The following PTPN20 variants were observed in gnomAD, a reference collection of about 807,000 sequenced individuals.
PTPN20 encodes the protein tyrosine-protein phosphatase non-receptor type 20.
Under a neutral mutation model 35.0 loss-of-function variants are expected in PTPN20, and 9 were observed. The observed-to-expected ratio is 0.26, with a 90% CI of 0.15 to 0.45. The LOEUF (loss-of-function observed/expected upper bound fraction) is 0.45. Among genes scored for constraint, PTPN20 ranks in the 20% least tolerant of loss-of-function variants. The pLI is 1.00. For missense variants in PTPN20, 111 were observed against 312.5 expected (o/e 0.36, Z 4.86); for synonymous variants, 32 against 100.2 (o/e 0.32, Z 4.06).
intron 9 of PTPN20, among the ~76,000 whole-genome samples, chr10:46,995,019 G>A (rs928335335): frequency 6.6e-6 from 1 of 152,102 alleles, no homozygotes; most frequent in Non-Finnish European, 1.5e-5. Context: ...TTGAATTGGT[G>A]TTCTGTTACC....
chr10:46,992,402 C>A (rs972526826), intron 9 of PTPN20, among the ~76,000 whole-genome samples: 4 of 152,218 alleles, frequency 2.6e-5, no homozygotes, highest in South Asian at 4.1e-4. Context: ...GGATCATAGG[C>A]ATGAGCCACC....
At chr10:46,928,693 T>G (rs2038555042) in intron 1 of PTPN20, among the ~76,000 whole-genome samples, 2 of 147,472 alleles carry the variant, frequency 1.4e-5, no homozygotes, top group Non-Finnish European at 3.0e-5. Flanking sequence ...CCATTCCTTA[T>G]AGAAAACTAA....
chr10:46,971,021 T>C (rs2052025237), intron 7 of PTPN20, among the ~76,000 whole-genome samples: 1 of 67,008 alleles, frequency 1.5e-5, no homozygotes. Flanking sequence ...TAAATATTAG[T>C]CTTGCTATTT....
At position 46,940,707 on chromosome 10, in the gene PTPN20, C is replaced by G. The variant is rs2043200369; in HGVS notation, c.119C>G (p.Pro40Arg). 1 of 1,610,258 alleles carries G rather than the reference C, an allele frequency of 6.2e-7. No individual in the cohort carries two copies. The highest frequency in any genetic ancestry group is 1.3e-5 in the African/African-American group (1 of 74,144). Residue 40 changes from proline (P) to arginine (R), a missense_variant, in exon 3 of 11, where the codon CCT (proline) becomes CGT (arginine). Transcript: ENST00000374339. The stretch of plus-strand genomic sequence containing the variant: ...CCTTCATCAAGTCAGGAAAACACAC[C>G]TAGATCAAAGGTAAGACTAAAAGGA... ...TLPSSSQENTPRSKVFENKVN... is the reference protein window; with the variant it reads ...TLPSSSQENTRRSKVFENKVN...
At chr10:46,999,011 G>A (rs1050349470) in intron 9 of PTPN20, among the ~76,000 whole-genome samples, 1 of 152,092 alleles carries the variant, frequency 6.6e-6, no homozygotes, top group Non-Finnish European at 1.5e-5. Context: ...GGTTGAGGAG[G>A]GAGGATTGTA....
At chr10:46,996,326 A>G (rs898947923) in intron 9 of PTPN20, among the ~76,000 whole-genome samples, 9 of 152,192 alleles carry the variant, frequency 5.9e-5, no homozygotes, top group Admixed American at 5.9e-4. Context: ...CACTACAGCC[A>G]CATTTGGAAA....
intron 10 of PTPN20, 121 bp from the exon 11 acceptor site, chr10:47,000,555 A>T: frequency 1.8e-6 from 2 of 1,105,312 alleles, no homozygotes; most frequent in Non-Finnish European, 1.3e-6. Context: ...GTTTATAGTT[A>T]AATGTTTGCT....
chr10:46,999,952 G>T lies in PTPN20; in HGVS notation c.1175G>T (p.Arg392Leu). 1 of 1,613,704 alleles carries T rather than the reference G, an allele frequency of 6.2e-7. No homozygotes were observed. Among genetic ancestry groups the T allele is most frequent in the Non-Finnish European group, 8.5e-7 (1 of 1,179,698 alleles). ...MDIVAQMREQ[R>L]SGMVQTKEQY... Reference sequence around the variant, plus strand: ...ATAGTGGCCCAAATGAGAGAACAACGTTCTGGCATGGTTCAAACGAAGGTA... The same window carrying T: ...ATAGTGGCCCAAATGAGAGAACAACTTTCTGGCATGGTTCAAACGAAGGTA... The change falls in exon 10 of 11, where the codon CGT becomes CTT. Residue 392 changes from arginine (R) to leucine (L), a missense_variant. Coordinates refer to ENST00000374339, the MANE Select transcript of PTPN20 (RefSeq NM_001042357.5).
In PTPN20 at chr10:46,940,651, A is replaced by G; in HGVS notation, c.63A>G (p.Glu21=). 6.2e-7 allele frequency: 1 copy of G among 1,611,264 alleles called. No homozygotes were observed. Among genetic ancestry groups the G allele is most frequent in the Non-Finnish European group, 8.5e-7 (1 of 1,179,778 alleles). The change falls in exon 3 of 11, where the codon GAA becomes GAG. Residue 21 remains glutamate, a synonymous_variant. Transcript: ENST00000374339. ...PVNDYEGNDS[E]AEDLNFRETL... ...ACGATTATGAGGGAAATGACTCTGA[A>G]GCAGAAGACTTGAATTTCAGGGAGA...
At chr10:46,936,108 A>G (rs1419005883) in intron 2 of PTPN20, among the ~76,000 whole-genome samples, 1 of 152,110 alleles carries the variant, frequency 6.6e-6, no homozygotes, top group Non-Finnish European at 1.5e-5. Context: ...CTCCTTTTGA[A>G]AAGTGTCTGT....
intron 5 of PTPN20, among the ~76,000 whole-genome samples, chr10:46,957,511 A>T (rs2048748424): frequency 6.6e-6 from 1 of 152,090 alleles, no homozygotes; most frequent in African/African-American, 2.4e-5. Flanking sequence ...CAAGGCAGGC[A>T]GATCACCTGA....
chr10:46,978,935 A>G (rs2054476539), intron 7 of PTPN20, among the ~76,000 whole-genome samples: 3 of 150,912 alleles, frequency 2.0e-5, no homozygotes, highest in South Asian at 4.2e-4. Context: ...CTTCCTTGAT[A>G]GGTGTAAGCA....
intron 2 of PTPN20, among the ~76,000 whole-genome samples, chr10:46,936,169 A>G (rs1197077604): frequency 1.1e-3 from 164 of 151,078 alleles, no homozygotes; most frequent in African/African-American, 3.6e-3. Flanking sequence ...TTGCTTGTTC[A>G]TTTATAAGTT....
chr10:46,983,179 C>A (rs1281067008), intron 7 of PTPN20, among the ~76,000 whole-genome samples: 1 of 150,914 alleles, frequency 6.6e-6, no homozygotes, highest in African/African-American at 2.4e-5. Context: ...CTGGTTCAAG[C>A]GATTCTCCTG....
chr10:46,998,646 C>T (rs1313648998), intron 9 of PTPN20, among the ~76,000 whole-genome samples: 5 of 152,260 alleles, frequency 3.3e-5, no homozygotes, highest in African/African-American at 9.6e-5. Flanking sequence ...CACTCTCACA[C>T]ACTCACTAAC....
chr10:46,945,066 T>A (rs868963794), intron 4 of PTPN20, among the ~76,000 whole-genome samples: 1 of 139,690 alleles, frequency 7.2e-6, no homozygotes, highest in African/African-American at 3.1e-5. Context: ...GTTGTGAAAA[T>A]ATCTTAGGGG....
chr10:46,984,049 A>G (rs1341235091), intron 7 of PTPN20, among the ~76,000 whole-genome samples, 181 bp from the exon 8 acceptor site: 1 of 152,072 alleles, frequency 6.6e-6, no homozygotes, highest in East Asian at 1.9e-4. Flanking sequence ...TCATGCCAAT[A>G]GTTTTCAGGG....
chr10:46,940,867 G>A (rs2043254773), intron 3 of PTPN20, 150 bp downstream of exon 3: 2 of 1,018,730 alleles, frequency 2.0e-6, no homozygotes, highest in Admixed American at 2.2e-5. Context: ...CCAAAATGGG[G>A]ATTTGAAAGA....
At chr10:46,938,317 C>A (rs1215676159) in intron 2 of PTPN20, among the ~76,000 whole-genome samples, 1 of 113,802 alleles carries the variant, frequency 8.8e-6, no homozygotes, top group African/African-American at 3.9e-5. Flanking sequence ...TTAACCTGAT[C>A]CTGTCTGAGG....
Sources: allele counts gnomAD v4.1 joint callset (sites outside exome capture counted in the v4.1 genomes callset), GRCh38; gene constraint gnomAD v4.1.1; transcripts MANE v1.5; gene names NCBI Gene and HGNC (gene_info 2026-07-23, HGNC 2026-07-21).